The following INTS6 variants were observed in gnomAD, a reference collection of about 807,000 sequenced individuals.
INTS6 encodes the protein integrator complex subunit 6.
Under a neutral mutation model 104.9 loss-of-function variants are expected in INTS6, and 16 were observed. That is an observed-to-expected ratio of 0.15 (90% CI 0.10 to 0.23). The LOEUF is 0.23. Among genes scored for constraint, INTS6 ranks in the 10% least tolerant of loss-of-function variants. INTS6 has a pLI of 1.00. For missense variants in INTS6, 584 were observed against 1,062.8 expected (o/e 0.55, Z 6.26); for synonymous variants, 324 against 358.7 (o/e 0.90, Z 1.09).
rs775817722 is a variant in INTS6 at position 51,365,796 on chromosome 13, T to C, written c.2620A>G (p.Ile874Val). ...IEQLENFLDE[I>V]HRRANQINHI... ...TTGATCTGATTGGCTCTTCGATGAA[T>C]TTCATCCAAGAAGTTCTCCAGTTGT... Residue 874 changes from isoleucine (I) to valine (V), a missense_variant, in exon 18 of 18, where the codon ATT becomes GTT. Around this residue, in one of 5 missense-constraint regions of INTS6, gnomAD observed 296 missense variants for 437.0 expected, o/e 0.68. Coordinates refer to ENST00000311234, the MANE Select transcript of INTS6 (RefSeq NM_012141.3). 1 of 1,603,208 alleles carries C rather than the reference T, an allele frequency of 6.2e-7. No individual in the cohort carries two copies. The highest frequency in any genetic ancestry group is 8.5e-7 in the Non-Finnish European group (1 of 1,175,178).
intron 3 of INTS6, chr13:51,450,139 A>G (rs1287542851): frequency 1.0e-6 from 1 of 985,082 alleles, no homozygotes; most frequent in Non-Finnish European, 1.2e-6. Flanking sequence ...ACATATACCC[A>G]ATATATAATT....
chr13:51,387,567 A>G, intron 6 of INTS6, 27 bp from the exon 7 acceptor site: 2 of 1,590,388 alleles, frequency 1.3e-6, no homozygotes, highest in Non-Finnish European at 8.6e-7. Context: ...AAGACAAAGA[A>G]AGCATATATC....
intron 14 of INTS6, 43 bp downstream of exon 14, chr13:51,374,611 G>A: frequency 6.2e-7 from 1 of 1,604,598 alleles, no homozygotes; most frequent in Admixed American, 1.7e-5. Context: ...AACTGACAGT[G>A]CCTACCATAA....
intron 3 of INTS6, chr13:51,440,201 A>T (rs1952768043): frequency 6.6e-6 from 1 of 151,868 alleles, no homozygotes; most frequent in South Asian, 2.1e-4. Context: ...CAGTAAGCAG[A>T]GATCGAGCCA....
In INTS6 at chr13:51,452,368, G is replaced by A. The variant is rs1953080907; in HGVS notation, c.111+47C>T. On this transcript the variant is annotated intron_variant, in intron 1 of 17. Transcript: ENST00000311234. This position sits in a 1 kb window ranked among gnomAD's most constrained non-coding sequence, Gnocchi z 4.2. ...GCCGCCCTCCCCCACCCTGCCGCCC[G>A]CGGGCCGCCGGGCCGGGGTCGCCGC... 1.4e-6 allele frequency: 2 copies of A among 1,471,800 alleles called. No homozygotes were observed. The highest frequency in any genetic ancestry group is 2.5e-4 in the Middle Eastern group (1 of 3,968). 91.2% of individuals were successfully genotyped at this position (1,471,800 alleles called of 1,614,324 possible).
intron 9 of INTS6, among the ~76,000 whole-genome samples, chr13:51,382,551 T>C (rs1234219517): frequency 6.6e-6 from 1 of 152,256 alleles, no homozygotes; most frequent in Admixed American, 6.5e-5. Context: ...ACCCAGAAAC[T>C]AACTTTAGGC....
chr13:51,343,341 TGA>T, the INTS6 span, among the ~76,000 whole-genome samples: 3 of 152,184 alleles, frequency 2.0e-5, no homozygotes, highest in Admixed American at 2.0e-4. Flanking sequence ...GTGTCAGGAA[TGA>T]GAAGCTTGGG....
At chr13:51,374,065 T>G in intron 15 of INTS6, 143 bp downstream of exon 15, 1 of 616,410 alleles carries the variant, frequency 1.6e-6, no homozygotes, top group South Asian at 2.1e-5. Flanking sequence ...AATGATTACA[T>G]GCTCATTTAA....
the INTS6 span, among the ~76,000 whole-genome samples, chr13:51,339,908 G>GAC: frequency 0.01 from 1,545 of 151,136 alleles, 23 homozygotes; most frequent in African/African-American, 0.034. Context: ...CCTGGGCTGG[G>GAC]ACACACACAC....
At chr13:51,343,820 T>C in the INTS6 span, among the ~76,000 whole-genome samples, 1 of 152,220 alleles carries the variant, frequency 6.6e-6, no homozygotes, top group Non-Finnish European at 1.5e-5. Flanking sequence ...CCTCCCATCA[T>C]TGTCACTGTA....
intron 3 of INTS6, among the ~76,000 whole-genome samples, chr13:51,431,429 T>C (rs1303898985): frequency 1.3e-5 from 2 of 152,168 alleles, no homozygotes; most frequent in Admixed American, 6.5e-5. Flanking sequence ...CTAAGATTCT[T>C]CATTTCTAAC....
chr13:51,412,117 T>C (rs1455089418), intron 4 of INTS6, among the ~76,000 whole-genome samples: 1 of 152,110 alleles, frequency 6.6e-6, no homozygotes, highest in African/African-American at 2.4e-5. Flanking sequence ...GACAAAACAA[T>C]AGTGACAGAA....
At position 51,365,484 on chromosome 13, in the gene INTS6, G is replaced by A. The variant is rs1351206640; in HGVS notation, c.*268C>T. 1 of 197,870 alleles carries A rather than the reference G, an allele frequency of 5.1e-6. No homozygotes were observed. Among genetic ancestry groups the A allele is most frequent in the East Asian group, 1.2e-4 (1 of 8,392 alleles). The allele number at this position is 197,870 out of a possible 1,614,324, so 12.3% of individuals were successfully genotyped here. A position where few individuals can be genotyped will look rare whatever the true frequency, so the allele number is the denominator to read the frequency against. On this transcript the variant is annotated 3_prime_UTR_variant, in exon 18 of 18. Coordinates refer to ENST00000311234, the MANE Select transcript of INTS6 (RefSeq NM_012141.3). ...ACCTGAGGGAAATTGACACGCAAGA[G>A]TCAATGACAAGCAAGAGATTTGGAG...
intron 5 of INTS6, among the ~76,000 whole-genome samples, chr13:51,389,777 C>T (rs187582855): frequency 3.0e-4 from 45 of 151,914 alleles, no homozygotes; most frequent in Non-Finnish European, 6.0e-4. Context: ...ATATAAAAAA[C>T]ACTATCTCCA....
chr13:51,337,802 G>A, the INTS6 span, among the ~76,000 whole-genome samples: 1 of 152,206 alleles, frequency 6.6e-6, no homozygotes, highest in African/African-American at 2.4e-5. Context: ...CTCTATATAT[G>A]TTGTTAAAAT....
the INTS6 span, among the ~76,000 whole-genome samples, chr13:51,338,000 G>A: frequency 6.6e-6 from 1 of 152,140 alleles, no homozygotes. Context: ...TTCACACTTT[G>A]AAATGTTTAG....
chr13:51,347,198 G>A, the INTS6 span: 6 of 1,613,856 alleles, frequency 3.7e-6, no homozygotes, highest in Non-Finnish European at 5.1e-6. Flanking sequence ...CGTCCTTCAG[G>A]TCCCCATGAT....
At chr13:51,335,640 A>C in the INTS6 span, 4 of 152,236 alleles carry the variant, frequency 2.6e-5, no homozygotes, top group African/African-American at 9.6e-5. Context: ...CGCACAGTCC[A>C]CAAGAGCTGT....
At chr13:51,355,040 T>C (rs368694019) in intron 3 of INTS6, 1 of 1,477,822 alleles carries the variant, frequency 6.8e-7, no homozygotes, top group Non-Finnish European at 9.3e-7. Flanking sequence ...TTTTGCCTTT[T>C]AGGTTTAGGA....
Sources: allele counts gnomAD v4.1 joint callset (sites outside exome capture counted in the v4.1 genomes callset), GRCh38; gene constraint gnomAD v4.1.1; regional missense constraint gnomAD v4.1.1; non-coding constraint Gnocchi (gnomAD v3.1); transcripts MANE v1.5; gene names NCBI Gene and HGNC (gene_info 2026-07-23, HGNC 2026-07-21).